BBX: variants seen among roughly 807,000 people sequenced by gnomAD.
BBX encodes the protein BBX high mobility group box domain containing.
A neutral mutation model predicts 100.2 loss-of-function variants in BBX; 30 were observed. The observed-to-expected ratio is 0.30, with a 90% CI of 0.22 to 0.41. The LOEUF (loss-of-function observed/expected upper bound fraction) is 0.41. Ranked by LOEUF, BBX falls within the 10% of genes least tolerant of loss-of-function variation. The pLI is 1.00. For synonymous variants in BBX, 376 were observed against 388.1 expected (o/e 0.97, Z 0.37); for missense variants, 1,023 against 1,129.8 (o/e 0.91, Z 1.35).
intron 2 of BBX, among the ~76,000 whole-genome samples, chr3:107,556,786 T>G (rs1037312719): frequency 1.3e-5 from 2 of 152,218 alleles, no homozygotes; most frequent in African/African-American, 4.8e-5. Flanking sequence ...ACCCGGAAGC[T>G]AGAATCAGAG....
chr3:107,718,343 A>G (rs1048135404), intron 5 of BBX, among the ~76,000 whole-genome samples: 5 of 149,602 alleles, frequency 3.3e-5, no homozygotes, highest in South Asian at 4.2e-4. Flanking sequence ...AAGACTTCAA[A>G]AATTGACTGT....
At chr3:107,752,819 T>C (rs1002039957) in intron 9 of BBX, among the ~76,000 whole-genome samples, 13 of 152,212 alleles carry the variant, frequency 8.5e-5, no homozygotes, top group African/African-American at 2.4e-4. Context: ...GGCCCACTAG[T>C]GCCCTCTACC....
At chr3:107,739,223 T>C (rs2063886924) in intron 7 of BBX, among the ~76,000 whole-genome samples, 1 of 152,220 alleles carries the variant, frequency 6.6e-6, no homozygotes, top group African/African-American at 2.4e-5. Context: ...TGTGCCTCCT[T>C]TAGGCTGCTA....
intron 7 of BBX, among the ~76,000 whole-genome samples, chr3:107,740,719 C>T (rs2064024086): frequency 6.6e-6 from 1 of 151,976 alleles, no homozygotes; most frequent in African/African-American, 2.4e-5. Flanking sequence ...TTTCCCACCT[C>T]CTGTTACCGT....
chr3:107,683,825 T>C (rs1321334216), intron 3 of BBX, among the ~76,000 whole-genome samples: 1 of 152,214 alleles, frequency 6.6e-6, no homozygotes, highest in Non-Finnish European at 1.5e-5. Context: ...AGCTCTACAC[T>C]TTGTAGAAAG....
chr3:107,529,193 A>G (rs1381091147), intron 2 of BBX, among the ~76,000 whole-genome samples: 2 of 152,258 alleles, frequency 1.3e-5, no homozygotes, highest in African/African-American at 4.8e-5. Context: ...TTAACATATT[A>G]CATTACCACC....
intron 2 of BBX, among the ~76,000 whole-genome samples, chr3:107,579,857 A>G (rs1029482218): frequency 1.3e-5 from 2 of 152,220 alleles, no homozygotes; most frequent in Admixed American, 1.3e-4. Flanking sequence ...GGAACATTAG[A>G]AAGGTACCTA....
At chr3:107,657,723 AC>A (rs1193893338) in intron 3 of BBX, among the ~76,000 whole-genome samples, 1 of 152,058 alleles carries the variant, frequency 6.6e-6, no homozygotes, top group Admixed American at 6.5e-5. Context: ...ATTTGAACAC[AC>A]AGGATATCCA....
chr3:107,733,959 A>G (rs75489265), intron 7 of BBX, among the ~76,000 whole-genome samples: 1,688 of 152,260 alleles, frequency 0.011, 74 homozygotes, highest in East Asian at 0.11. Context: ...GGCCAATTGA[A>G]TTAACCTACA....
intron 3 of BBX, among the ~76,000 whole-genome samples, chr3:107,690,798 A>G (rs1303736902): frequency 6.7e-6 from 1 of 149,434 alleles, no homozygotes; most frequent in Non-Finnish European, 1.5e-5. Context: ...GATTTACAAC[A>G]TTCTTGTACT....
At chr3:107,735,580 A>C (rs868419935) in intron 7 of BBX, among the ~76,000 whole-genome samples, 1 of 152,026 alleles carries the variant, frequency 6.6e-6, no homozygotes. Context: ...TCCTCAAAAG[A>C]CTATTTTTTT....
intron 10 of BBX, among the ~76,000 whole-genome samples, chr3:107,763,184 A>G (rs1158486484): frequency 6.6e-6 from 1 of 151,600 alleles, no homozygotes; most frequent in Non-Finnish European, 1.5e-5. Flanking sequence ...CACAGCCTCC[A>G]CCAGTTAAAT....
chr3:107,746,800 T>C (rs1384499051), intron 8 of BBX, among the ~76,000 whole-genome samples: 1 of 152,164 alleles, frequency 6.6e-6, no homozygotes, highest in Non-Finnish European at 1.5e-5. Flanking sequence ...TATGTATAAC[T>C]ACGTGGCCCT....
chr3:107,578,867 A>G (rs2052034996), intron 2 of BBX, among the ~76,000 whole-genome samples: 1 of 152,140 alleles, frequency 6.6e-6, no homozygotes, highest in South Asian at 2.1e-4. Context: ...ATGCAAGAGT[A>G]GCAAATTTGG....
intron 7 of BBX, among the ~76,000 whole-genome samples, chr3:107,742,356 T>G (rs1298088660): frequency 6.6e-6 from 1 of 151,700 alleles, no homozygotes; most frequent in Non-Finnish European, 1.5e-5. Flanking sequence ...TCTGATACGC[T>G]GCCTCTATTC....
intron 3 of BBX, among the ~76,000 whole-genome samples, chr3:107,682,521 C>T (rs972970909): frequency 2.0e-5 from 3 of 152,108 alleles, no homozygotes; most frequent in African/African-American, 7.2e-5. Context: ...ATGGGGCAAT[C>T]ACTTAAGATA....
chr3:107,555,425 C>G (rs2050024859), intron 2 of BBX, among the ~76,000 whole-genome samples: 1 of 152,072 alleles, frequency 6.6e-6, no homozygotes, highest in African/African-American at 2.4e-5. Flanking sequence ...TCATTAAGAC[C>G]CAGAAAAAGC....
At chr3:107,564,682 A>G (rs560881934) in intron 2 of BBX, among the ~76,000 whole-genome samples, 16 of 152,074 alleles carry the variant, frequency 1.1e-4, no homozygotes, top group Non-Finnish European at 1.9e-4. Context: ...TGTTTTTGAG[A>G]TGTTTTTTTG....
chr3:107,568,188 C>G (rs1009095104), intron 2 of BBX, among the ~76,000 whole-genome samples: 2 of 151,312 alleles, frequency 1.3e-5, no homozygotes, highest in Admixed American at 6.6e-5. Flanking sequence ...TAATTTATCC[C>G]AATTGGCAGC....
Sources: allele counts gnomAD v4.1 joint callset (sites outside exome capture counted in the v4.1 genomes callset), GRCh38; gene constraint gnomAD v4.1.1; transcripts MANE v1.5; gene names NCBI Gene and HGNC (gene_info 2026-07-23, HGNC 2026-07-21).